CHTF18: variants seen among roughly 807,000 people sequenced by gnomAD.
The protein encoded by CHTF18 is chromosome transmission fidelity factor 18.
Under a neutral mutation model 113.4 loss-of-function variants are expected in CHTF18, and 151 were observed. The observed-to-expected ratio is 1.33, with a 90% CI of 1.17 to 1.52. The LOEUF is 1.52. Ranked by LOEUF, CHTF18 falls within the 40% of genes most tolerant of loss-of-function variation. CHTF18 has a pLI of 0.00. For synonymous variants in CHTF18, 916 were observed against 598.8 expected, an observed-to-expected ratio of 1.53 and a Z score of -7.74; for missense variants, 1,982 against 1,381.6, an observed-to-expected ratio of 1.43 and a Z score of -6.89.
chr16:791,315 T>A lies in CHTF18; in HGVS notation c.1049T>A (p.Val350Glu), dbSNP rs199983682. 103 of 1,610,198 alleles carry A rather than the reference T, an allele frequency of 6.4e-5. No individual in the cohort carries two copies. Among genetic ancestry groups the A allele is most frequent in the Non-Finnish European group, 8.6e-5 (101 of 1,179,498 alleles). ...GGCAAGTGGAAGAGCCACGAACAGG[T>A]GCTGGAGGAGATGCTGGAGGCTGGG... Reference protein sequence around the residue: ...APGKWKSHEQVLEEMLEAGLD... With the variant: ...APGKWKSHEQELEEMLEAGLD... The change falls in exon 8 of 22, where the codon GTG (valine) becomes GAG (glutamate). Residue 350 changes from valine to glutamate, a missense_variant. By Grantham distance (121) the Val-to-Glu change is moderately radical. Coordinates refer to ENST00000262315, the MANE Select transcript of CHTF18 (RefSeq NM_022092.3).
Position 792,789 on chromosome 16 carries a change from G to A in CHTF18, c.1550G>A (p.Arg517Lys). 1 of 1,543,438 alleles carries A rather than the reference G, an allele frequency of 6.5e-7. No individual in the cohort carries two copies. ...CACTTCCCGCCGACTCTGCCCTCGAGGCTGGTGCAGCGGCTCCAGGAGGTC... is the reference window on the plus strand; with the variant it reads ...CACTTCCCGCCGACTCTGCCCTCGAAGCTGGTGCAGCGGCTCCAGGAGGTC... ...LLHFPPTLPSRLVQRLQEVSL... is the reference protein window; with the variant it reads ...LLHFPPTLPSKLVQRLQEVSL... Residue 517 changes from arginine (R) to lysine (K), a missense_variant, in exon 12 of 22, where the codon AGG (arginine) becomes AAG (lysine). Physicochemically the swap from Arg to Lys is conservative, Grantham distance 26. Coordinates refer to ENST00000262315, the MANE Select transcript of CHTF18 (RefSeq NM_022092.3).
Position 789,283 on chromosome 16 carries a change from GC to G in CHTF18, c.365del (p.Pro122LeufsTer47), listed in dbSNP as rs1442529917. 6.3e-7 allele frequency: 1 copy of G among 1,581,676 alleles called. No homozygotes were observed. The highest frequency in any genetic ancestry group is 1.2e-5 in the South Asian group (1 of 86,654). On this transcript the variant is annotated frameshift_variant, in exon 3 of 22. Transcript: ENST00000262315. LOFTEE classifies it high-confidence loss of function. ...TCAGATCGGAGGAGATGGAGGAGCC[GC>G]CCCCTCCCGACTCCTCGCCGACGGA... ...NFRSEEMEEP[P>X]PPDSSPTDIT... is the part of the protein sequence containing the mutation.
chr16:796,245 C>T (rs2042344389), intron 18 of CHTF18, among the ~76,000 whole-genome samples, 168 bp downstream of exon 18: 1 of 152,236 alleles, frequency 6.6e-6, no homozygotes. Context: ...GGGGTCACTT[C>T]CAGCTACTTG....
rs1479968345 is a variant in CHTF18 at position 788,657 on chromosome 16, G to A, written c.-28G>A. 2.0e-6 allele frequency: 3 copies of A among 1,492,846 alleles called. No homozygotes were observed. The highest frequency in any genetic ancestry group is 2.3e-5 in the Admixed American group (1 of 43,108). 92.5% of individuals were successfully genotyped at this position (1,492,846 alleles called of 1,614,324 possible). Reference sequence around the variant, plus strand: ...ACGGCGGCGGCGGCGCGGGAGGTTCGGAGCGGGAGCTCGGGCTCGCGGACG... The same window carrying A: ...ACGGCGGCGGCGGCGCGGGAGGTTCAGAGCGGGAGCTCGGGCTCGCGGACG... On this transcript the variant is annotated 5_prime_UTR_variant, in exon 1 of 22. Transcript: ENST00000262315.
Position 794,110 on chromosome 16 carries a change from G to T in CHTF18, c.1859G>T (p.Gly620Val). 6.2e-7 allele frequency: 1 copy of T among 1,612,452 alleles called. No individual in the cohort carries two copies. The highest frequency in any genetic ancestry group is 8.5e-7 in the Non-Finnish European group (1 of 1,179,768). Residue 620 changes from glycine (G) to valine (V), a missense_variant, in exon 15 of 22, where the codon GGG (glycine) becomes GTG (valine). By Grantham distance (109) the Gly-to-Val change is moderately radical. Coordinates refer to ENST00000262315, the MANE Select transcript of CHTF18 (RefSeq NM_022092.3). ...GCTGACACACTCCTGCTGGGTGACG[G>T]GGACGCGGGCTCCCTCACCTCCGCC... ...LPADTLLLGD[G>V]DAGSLTSASQ...
At chr16:797,670 C>T (rs1198274416) in intron 20 of CHTF18, 24 bp from the exon 21 acceptor site, 1 of 1,611,018 alleles carries the variant, frequency 6.2e-7, no homozygotes, top group Non-Finnish European at 8.5e-7. Flanking sequence ...TCCTATACGA[C>T]TGACTAGTCC....
intron 20 of CHTF18, among the ~76,000 whole-genome samples, chr16:797,376 G>T (rs1314841507): frequency 6.6e-6 from 1 of 152,090 alleles, no homozygotes. Context: ...GAGTCTGGCT[G>T]AGGGTGGGGC....
At chr16:796,197 G>A in intron 18 of CHTF18, 120 bp downstream of exon 18, 1 of 1,323,508 alleles carries the variant, frequency 7.6e-7, no homozygotes, top group Non-Finnish European at 1.0e-6. Flanking sequence ...GGGGTGGCGG[G>A]CCCCAGCTTA....
intron 5 of CHTF18, 36 bp from the exon 6 acceptor site, chr16:790,311 C>CT (rs2151641905): frequency 6.2e-7 from 1 of 1,610,936 alleles, no homozygotes; most frequent in African/African-American, 1.3e-5. Context: ...GCGGGGCCGC[C>CT]TGAGCCCTCC....
At chr16:793,754 G>A (rs2042264587) in intron 14 of CHTF18, 1 of 668,924 alleles carries the variant, frequency 1.5e-6, no homozygotes, top group African/African-American at 1.8e-5. Flanking sequence ...GCCTGGGCCT[G>A]TGGGATGTGC....
intron 10 of CHTF18, 23 bp downstream of exon 10, chr16:792,370 A>T: frequency 6.4e-7 from 1 of 1,554,086 alleles, no homozygotes; most frequent in Non-Finnish European, 8.7e-7. Flanking sequence ...ATGCCTGGGT[A>T]GGTGGGTGGG....
At chr16:792,655 C>T (rs570056068) in intron 11 of CHTF18, 63 bp from the exon 12 acceptor site, 30 of 1,589,538 alleles carry the variant, frequency 1.9e-5, no homozygotes, top group African/African-American at 4.0e-5. Context: ...GGTTCCGGCC[C>T]GTCCCTGTGT....
chr16:795,730 G>T lies in CHTF18; in HGVS notation c.2221G>T (p.Val741Leu), dbSNP rs112771916. 2,147 of 1,607,120 alleles carry T rather than the reference G, an allele frequency of 1.3e-3. 27 individuals carry two copies. In the East Asian group the frequency reaches 0.034, roughly 26 times the overall value. ...GATGAGGAACCTGATCCAGACGCTG[G>T]TGTCCGGCATCGCGCCAGCCACGCG... ...SQMRNLIQTL[V>L]SGIAPATRSR... The change falls in exon 17 of 22, where the codon GTG becomes TTG. Residue 741 changes from valine (V) to leucine (L), a missense_variant. Transcript: ENST00000262315.
At chr16:794,473 G>A (rs2042284543) in intron 15 of CHTF18, among the ~76,000 whole-genome samples, 1 of 152,074 alleles carries the variant, frequency 6.6e-6, no homozygotes, top group Non-Finnish European at 1.5e-5. Flanking sequence ...GGGACTCTCA[G>A]CGGGTTGGGG....
chr16:795,305 G>A lies in CHTF18; in HGVS notation c.2124G>A (p.Leu708=). ...TCCTGCCCGTGGCCTTCCATGTGCT[G>A]TTTGCTTCCAGCCACACACCCAGGA... ...PPFLPVAFHV[L]FASSHTPRIT... Residue 708 remains leucine, a synonymous_variant, in exon 16 of 22, where the codon CTG becomes CTA. Transcript: ENST00000262315. 1 of 1,548,500 alleles carries A rather than the reference G, an allele frequency of 6.5e-7. No individual in the cohort carries two copies. The highest frequency in any genetic ancestry group is 8.7e-7 in the Non-Finnish European group (1 of 1,146,650).
In CHTF18 at chr16:790,682, C is replaced by T. The variant is rs545883896; in HGVS notation, c.894+16C>T. ...CAGTGATGACGTGAGGTCTTGTTCT[C>T]ACTCAAGTGTGGCTGGCTTCCTCTG... On this transcript the variant is annotated intron_variant, in intron 7 of 21. Coordinates refer to ENST00000262315, the MANE Select transcript of CHTF18 (RefSeq NM_022092.3). 2.0e-6 allele frequency: 3 copies of T among 1,522,442 alleles called. No individual in the cohort carries two copies. The highest frequency in any genetic ancestry group is 4.4e-5 in the Admixed American group (2 of 45,674). The allele number at this position is 1,522,442 out of a possible 1,614,324, so 94.3% of individuals were successfully genotyped here. A position where few individuals can be genotyped will look rare whatever the true frequency, so the allele number is the denominator to read the frequency against.
At chr16:796,152 G>A in intron 18 of CHTF18, 75 bp downstream of exon 18, 1 of 1,529,492 alleles carries the variant, frequency 6.5e-7, no homozygotes, top group Non-Finnish European at 8.8e-7. Flanking sequence ...GGCCCGCATG[G>A]GGCCAGGAGT....
chr16:791,190 G>A lies in CHTF18; in HGVS notation c.924G>A (p.Leu308=). The change falls in exon 8 of 22, where the codon CTG becomes CTA. Residue 308 remains leucine, a synonymous_variant. Transcript: ENST00000262315. ...CCAACCGCTGCCTGCTCAAGTGGCT[G>A]AAGTTGTGGGACCTGGTGGTGTTTG... ...DFTNRCLLKW[L]KLWDLVVFGH... 8 of 1,611,604 alleles carry A rather than the reference G, an allele frequency of 5.0e-6. No individual in the cohort carries two copies. Among genetic ancestry groups the A allele is most frequent in the Non-Finnish European group, 6.8e-6 (8 of 1,179,494 alleles).
intron 3 of CHTF18, 61 bp from the exon 4 acceptor site, chr16:789,486 C>T (rs1254647171): frequency 3.2e-6 from 5 of 1,549,186 alleles, no homozygotes; most frequent in Admixed American, 1.8e-5. Flanking sequence ...GTCTCGGACA[C>T]CCATATCCAA....
Sources: gnomAD v4.1 joint callset for allele counts (sites outside exome capture counted in the v4.1 genomes callset) on GRCh38, gnomAD v4.1.1 for gene constraint, MANE v1.5 for transcripts, NCBI Gene and HGNC (gene_info 2026-07-23, HGNC 2026-07-21) for gene names.